C2orf69: variants seen among roughly 807,000 people sequenced by gnomAD.
C2orf69 encodes chromosome 2 open reading frame 69.
Under a neutral mutation model 29.5 loss-of-function variants are expected in C2orf69, and 19 were observed. The observed-to-expected ratio is 0.65, with a 90% CI of 0.45 to 0.95. The LOEUF is 0.95. Among genes scored for constraint, C2orf69 ranks in the 40% least tolerant of loss-of-function variants. The pLI is 0.00. For missense variants in C2orf69, 416 were observed against 482.1 expected, an observed-to-expected ratio of 0.86 and a Z score of 1.28; for synonymous variants, 194 against 180.0, an observed-to-expected ratio of 1.08 and a Z score of -0.62.
intron 1 of C2orf69, among the ~76,000 whole-genome samples, chr2:199,920,844 T>C (rs1477784463): frequency 6.8e-6 from 1 of 147,972 alleles, no homozygotes; most frequent in Non-Finnish European, 1.5e-5. Context: ...TAGTCCCAGC[T>C]ACTCGGGAGG....
At chr2:199,912,367 C>T (rs2077267943) in intron 1 of C2orf69, among the ~76,000 whole-genome samples, 1 of 152,142 alleles carries the variant, frequency 6.6e-6, no homozygotes, top group African/African-American at 2.4e-5. Flanking sequence ...AGGTAAATAT[C>T]CGTGGTTATG....
At position 199,926,084 on chromosome 2, in the gene C2orf69, T is replaced by C. The variant is rs2077334085; in HGVS notation, c.*198T>C. ...AATGTGAGCAGTTATTAATTTGGAT[T>C]GAGTTAGAATTAGTTAATTTGAAAT... On this transcript the variant is annotated 3_prime_UTR_variant, in exon 2 of 2. Transcript: ENST00000319974. The C allele has an allele frequency of 1.9e-6, 1 of 520,024 alleles. No homozygotes were observed. 32.2% of individuals were successfully genotyped at this position (520,024 alleles called of 1,614,324 possible). A position where few individuals can be genotyped will look rare whatever the true frequency, so the allele number is the denominator to read the frequency against.
intron 1 of C2orf69, among the ~76,000 whole-genome samples, chr2:199,915,807 G>A (rs537637621): frequency 2.0e-5 from 3 of 152,086 alleles, no homozygotes; most frequent in South Asian, 2.1e-4. Context: ...GTGAGCCACC[G>A]CACCTGGCCT....
chr2:199,923,083 A>G (rs1364078307), intron 1 of C2orf69, among the ~76,000 whole-genome samples: 1 of 152,152 alleles, frequency 6.6e-6, no homozygotes, highest in Non-Finnish European at 1.5e-5. Flanking sequence ...TTGCAGTTAC[A>G]GTTCCTTCTG....
At position 199,911,628 on chromosome 2, in the gene C2orf69, G is replaced by C. The variant is rs746356835; in HGVS notation, c.190G>C (p.Asp64His). 2.3e-5 allele frequency: 35 copies of C among 1,549,360 alleles called. No homozygotes were observed. Among genetic ancestry groups the C allele is most frequent in the South Asian group, 3.6e-5 (3 of 83,986 alleles). ...GCAGCTTTCCACCGTGCCTGGAGCC[G>C]ATCCGCAGCGCAGCAACGAATTGCT... ...CLQLSTVPGADPQRSNELLLL... is the reference protein window; with the variant it reads ...CLQLSTVPGAHPQRSNELLLL... Residue 64 changes from aspartate to histidine, a missense_variant, in exon 1 of 2, where the codon GAT (aspartate) becomes CAT (histidine). Physicochemically the swap from Asp to His is moderately conservative, Grantham distance 81. Transcript: ENST00000319974.
At position 199,925,707 on chromosome 2, in the gene C2orf69, G is replaced by A. The variant is rs551418745; in HGVS notation, c.979G>A (p.Val327Ile). ...AGAATTTGCACAAACAGGAATTATCGTTCACACTCATGTAACACCTTACCA... is the reference window on the plus strand; with the variant it reads ...AGAATTTGCACAAACAGGAATTATCATTCACACTCATGTAACACCTTACCA... The part of the protein sequence containing the change: ...LKEFAQTGII[V>I]HTHVTPYQVR... The change falls in exon 2 of 2, where the codon GTT (valine) becomes ATT (isoleucine). Residue 327 changes from valine (V) to isoleucine (I), a missense_variant. Val to Ile is a conservative substitution (Grantham distance 29, BLOSUM62 3). Transcript: ENST00000319974. The surrounding 1 kb of genome is among the most constrained non-coding windows in gnomAD (Gnocchi z 4.9). 2.3e-5 allele frequency: 37 copies of A among 1,613,894 alleles called. No homozygotes were observed. The highest frequency in any genetic ancestry group is 5.5e-5 in the South Asian group (5 of 91,076).
At position 199,925,103 on chromosome 2, in the gene C2orf69, A is replaced by T. The variant is rs190789042; in HGVS notation, c.375A>T (p.Gln125His). 6.2e-7 allele frequency: 1 copy of T among 1,612,264 alleles called. No individual in the cohort carries two copies. The highest frequency in any genetic ancestry group is 1.3e-5 in the African/African-American group (1 of 74,886). Residue 125 changes from glutamine (Q) to histidine (H), a missense_variant, in exon 2 of 2, where the codon CAA becomes CAT. Gln to His is a conservative substitution (Grantham distance 24, BLOSUM62 0). Transcript: ENST00000319974. This position sits in a 1 kb window ranked among gnomAD's most constrained non-coding sequence, Gnocchi z 4.9. ...TGACTCGTCATCCTGAGAATTATCAATGGGAAAACTGGAGTCTAGAAAATG... is the reference window on the plus strand; with the variant it reads ...TGACTCGTCATCCTGAGAATTATCATTGGGAAAACTGGAGTCTAGAAAATG... The part of the protein sequence containing the change: ...EIMTRHPENY[Q>H]WENWSLENVA...
chr2:199,917,330 A>C (rs2077297108), intron 1 of C2orf69, among the ~76,000 whole-genome samples: 1 of 152,184 alleles, frequency 6.6e-6, no homozygotes, highest in Admixed American at 6.5e-5. Context: ...GGTGATGAAC[A>C]TTTGGCTCCT....
At chr2:199,923,702 T>G (rs1303372840) in intron 1 of C2orf69, among the ~76,000 whole-genome samples, 1 of 152,246 alleles carries the variant, frequency 6.6e-6, no homozygotes, top group Non-Finnish European at 1.5e-5. Flanking sequence ...GTTGAGATTG[T>G]GATATTTTGG....
At position 199,911,654 on chromosome 2, in the gene C2orf69, C is replaced by T. The variant is rs187090652; in HGVS notation, c.216C>T (p.Leu72=). The T allele has an allele frequency of 2.8e-5, 43 of 1,549,182 alleles. No individual in the cohort carries two copies. In the African/African-American group the frequency reaches 5.7e-4, roughly 21 times the overall value. ...ATCCGCAGCGCAGCAACGAATTGCT[C>T]CTGTTGGCGGCGGCCGGGGAGGGAC... ...GADPQRSNEL[L]LLAAAGEGLE... Residue 72 remains leucine, a synonymous_variant, in exon 1 of 2, where the codon CTC becomes CTT. Coordinates refer to ENST00000319974, the MANE Select transcript of C2orf69 (RefSeq NM_153689.6).
At chr2:199,917,965 A>G (rs994991106) in intron 1 of C2orf69, among the ~76,000 whole-genome samples, 2 of 152,318 alleles carry the variant, frequency 1.3e-5, no homozygotes, top group African/African-American at 4.8e-5. Flanking sequence ...GTGGAAGGGG[A>G]AGCAAACATG....
At chr2:199,923,115 ACT>A (rs1351100490) in intron 1 of C2orf69, among the ~76,000 whole-genome samples, 1 of 152,050 alleles carries the variant, frequency 6.6e-6, no homozygotes, top group Non-Finnish European at 1.5e-5. Flanking sequence ...CACGTGGTTC[ACT>A]CTCTGAGTTC....
rs1424226951 is a variant in C2orf69 at position 199,915,790 on chromosome 2, T to C, written c.333+4019T>C. 2.0e-5 allele frequency among the ~76,000 whole-genome samples: 3 copies of C among 152,302 alleles called. No individual in the cohort carries two copies. In the East Asian group the frequency reaches 5.8e-4, roughly 29 times the overall value. On this transcript the variant is annotated intron_variant, in intron 1 of 1. Transcript: ENST00000319974. ...CCTCAGCCTCCCAAAGTGCTGGGAT[T>C]ATAGATGTGAGCCACCGCACCTGGC...
chr2:199,916,259 G>GCATGAAGGTAACCTGCCC (rs2077292393), intron 1 of C2orf69, among the ~76,000 whole-genome samples: 2 of 152,150 alleles, frequency 1.3e-5, no homozygotes, highest in Non-Finnish European at 2.9e-5. Flanking sequence ...TATGAGAACA[G>GCATGAAGGTAACCTGCCC]CATGAAGGTA....
In C2orf69 at chr2:199,925,705, T is replaced by C. The variant is rs778699409; in HGVS notation, c.977T>C (p.Ile326Thr). The stretch of plus-strand genomic sequence containing the variant: ...AAAGAATTTGCACAAACAGGAATTA[T>C]CGTTCACACTCATGTAACACCTTAC... ...VLKEFAQTGIIVHTHVTPYQV... is the reference protein window; with the variant it reads ...VLKEFAQTGITVHTHVTPYQV... The change falls in exon 2 of 2, where the codon ATC becomes ACC. Residue 326 changes from isoleucine to threonine, a missense_variant. Around this residue, in one of 4 missense-constraint regions of C2orf69, gnomAD observed 225 missense variants for 307.3 expected, o/e 0.73. Coordinates refer to ENST00000319974, the MANE Select transcript of C2orf69 (RefSeq NM_153689.6). This position sits in a 1 kb window ranked among gnomAD's most constrained non-coding sequence, Gnocchi z 4.9. 3.1e-6 allele frequency: 5 copies of C among 1,613,978 alleles called. No individual in the cohort carries two copies. Among genetic ancestry groups the C allele is most frequent in the South Asian group, 1.1e-5 (1 of 91,086 alleles).
In C2orf69 at chr2:199,911,314, G is replaced by A. The variant is rs2077254799; in HGVS notation, c.-125G>A. ...CGGCCTCTGACGTCGTCGCCTCAGC[G>A]CCGGCTCCCGGCCGGGCCGCGGCCG... On this transcript the variant is annotated 5_prime_UTR_variant, in exon 1 of 2. Transcript: ENST00000319974. The A allele has an allele frequency of 2.5e-6, 3 of 1,207,032 alleles. No homozygotes were observed. The highest frequency in any genetic ancestry group is 1.1e-6 in the Non-Finnish European group (1 of 925,454). The allele number at this position is 1,207,032 out of a possible 1,614,324, so 74.8% of individuals were successfully genotyped here. A position where few individuals can be genotyped will look rare whatever the true frequency, so the allele number is the denominator to read the frequency against.
chr2:199,924,479 C>A (rs145537632), intron 1 of C2orf69, among the ~76,000 whole-genome samples: 2 of 152,258 alleles, frequency 1.3e-5, no homozygotes. Context: ...TACAAATATT[C>A]TTTGACCCAG....
chr2:199,912,197 A>T (rs1331489209), intron 1 of C2orf69, among the ~76,000 whole-genome samples: 3 of 152,184 alleles, frequency 2.0e-5, no homozygotes, highest in Admixed American at 2.0e-4. Context: ...GTAATTAAAA[A>T]CCAAACAAAC....
intron 1 of C2orf69, among the ~76,000 whole-genome samples, chr2:199,913,239 TATA>T (rs1304888016): frequency 1.3e-4 from 5 of 37,626 alleles, no homozygotes; most frequent in East Asian, 9.2e-4. Context: ...TTATAATATA[TATA>T]ATATATATTA....
Sources: gnomAD v4.1 joint callset for allele counts (sites outside exome capture counted in the v4.1 genomes callset) on GRCh38, gnomAD v4.1.1 for gene constraint, gnomAD v4.1.1 regional missense constraint, Gnocchi (gnomAD v3.1) non-coding constraint, MANE v1.5 for transcripts, NCBI Gene and HGNC (gene_info 2026-07-23, HGNC 2026-07-21) for gene names.